LAMA5: variants seen among roughly 807,000 people sequenced by gnomAD.
LAMA5 encodes the protein laminin subunit alpha 5.
Under a neutral mutation model 433.4 loss-of-function variants are expected in LAMA5, and 260 were observed. The ratio of observed to expected loss-of-function variants is 0.60; its 90% confidence interval spans 0.54 to 0.66. LAMA5 has a LOEUF of 0.66. LAMA5 is among the 30% of genes least tolerant of loss of function. The pLI is 0.00. For missense variants in LAMA5, 5,378 were observed against 5,258.5 expected (o/e 1.02, Z -0.70); for synonymous variants, 2,620 against 2,226.6 (o/e 1.18, Z -4.97).
At position 62,332,363 on chromosome 20, in the gene LAMA5, G is replaced by T; in HGVS notation, c.3552+9C>A. Reference sequence around the variant, plus strand: ...GACCCCTTGGGGTGGGGACCTGAGGGGTCCTTACCAGGAAGAAGCGTGCCT... The same window carrying T: ...GACCCCTTGGGGTGGGGACCTGAGGTGTCCTTACCAGGAAGAAGCGTGCCT... On this transcript the variant is annotated intron_variant, in intron 28 of 79. Transcript: ENST00000252999. The T allele has an allele frequency of 1.3e-6, 2 of 1,588,470 alleles. No individual in the cohort carries two copies. The highest frequency in any genetic ancestry group is 1.7e-6 in the Non-Finnish European group (2 of 1,157,812).
chr20:62,325,847 T>G (rs1422792406), intron 40 of LAMA5, among the ~76,000 whole-genome samples: 2 of 152,198 alleles, frequency 1.3e-5, no homozygotes, highest in Non-Finnish European at 2.9e-5. Context: ...ACAAATACTT[T>G]CTTAAACAAG....
intron 11 of LAMA5, among the ~76,000 whole-genome samples, chr20:62,339,451 C>G (rs559202114): frequency 6.6e-6 from 1 of 151,906 alleles, no homozygotes; most frequent in Non-Finnish European, 1.5e-5. Flanking sequence ...TTAGCCAGGA[C>G]GGTCTCCATC....
Position 62,324,016 on chromosome 20 carries a change from C to T in LAMA5, c.5768+64G>A. The T allele has an allele frequency of 2.8e-6, 4 of 1,450,158 alleles. No homozygotes were observed. Among genetic ancestry groups the T allele is most frequent in the Non-Finnish European group, 3.6e-6 (4 of 1,099,184 alleles). 89.8% of individuals were successfully genotyped at this position (1,450,158 alleles called of 1,614,324 possible). On this transcript the variant is annotated intron_variant, in intron 43 of 79. Coordinates refer to ENST00000252999, the MANE Select transcript of LAMA5 (RefSeq NM_005560.6). The surrounding 1 kb of genome is among the most constrained non-coding windows in gnomAD (Gnocchi z 4.4). ...TCTGCAGAGGGCAGTGGGAACCCAC[C>T]CCGCTGCTGGGTGAAGGGAGCCTGG...
intron 9 of LAMA5, 96 bp from the exon 10 acceptor site, chr20:62,346,311 TGG>T (rs1983356411): frequency 6.7e-7 from 1 of 1,490,070 alleles, no homozygotes; most frequent in Non-Finnish European, 9.1e-7. Context: ...GCCAGGGCCA[TGG>T]GGATGAGGGC....
Position 62,337,731 on chromosome 20 carries a change from C to T in LAMA5, c.2027-4G>A, listed in dbSNP as rs1329944226. ...CCTTCAGCAGAGCAGTGGCAGGCTG[C>T]AGACAAGGATAGCTGTGGGCACGCA... On this transcript the variant is annotated splice_region_variant and splice_polypyrimidine_tract_variant and intron_variant, in intron 15 of 79. Transcript: ENST00000252999. 8 of 1,608,192 alleles carry T rather than the reference C, an allele frequency of 5.0e-6. No individual in the cohort carries two copies. Among genetic ancestry groups the T allele is most frequent in the African/African-American group, 1.3e-5 (1 of 75,028 alleles).
Position 62,312,042 on chromosome 20 carries a change from T to C in LAMA5, c.9513A>G (p.Leu3171=), listed in dbSNP as rs189449173. ...LLYYRASPDG[L]CQVSLQQGRV... ...GGCCCTGCTGCAGGGACACCTGGCA[T>C]AGCCCATCCTGGGGACGGCAGCCAG... is the stretch of plus-strand genomic sequence containing the variant. Residue 3171 remains leucine, a synonymous_variant, in exon 70 of 80, where the codon CTA becomes CTG. Transcript: ENST00000252999. The C allele has an allele frequency of 2.9e-5, 47 of 1,611,946 alleles. No homozygotes were observed. The highest frequency in any genetic ancestry group is 6.7e-5 in the Admixed American group (4 of 59,980).
chr20:62,318,756 C>T, intron 52 of LAMA5, 87 bp downstream of exon 52: 1 of 1,573,266 alleles, frequency 6.4e-7, no homozygotes, highest in Non-Finnish European at 8.6e-7. Context: ...TGATGCCCAC[C>T]TGATGCCACT....
Position 62,309,635 on chromosome 20 carries a change from GGGGT to G in LAMA5, c.10948+77_10948+80del, listed in dbSNP as rs1568885012. 50 of 605,770 alleles carry G rather than the reference GGGGT, an allele frequency of 8.3e-5. 2 individuals are homozygous for G. The highest frequency in any genetic ancestry group is 7.6e-4 in the Admixed American group (15 of 19,862). 37.5% of individuals were successfully genotyped at this position (605,770 alleles called of 1,614,324 possible). A position where few individuals can be genotyped will look rare whatever the true frequency, so the allele number is the denominator to read the frequency against. On this transcript the variant is annotated intron_variant, in intron 79 of 79. Coordinates refer to ENST00000252999, the MANE Select transcript of LAMA5 (RefSeq NM_005560.6). ...AGGGTGGGAGGGGGCAGGGGGTGGA[GGGGT>G]GGGGGGAGGGTGGTAGGTTACGCAG...
Position 62,326,845 on chromosome 20 carries a change from C to T in LAMA5, c.5214+20G>A. ...CCACGCCCACCCAACCACCCTGCCACATCATCTCAGCTCCCTCACCTGCAG... is the reference window on the plus strand; with the variant it reads ...CCACGCCCACCCAACCACCCTGCCATATCATCTCAGCTCCCTCACCTGCAG... On this transcript the variant is annotated intron_variant, in intron 39 of 79. Coordinates refer to ENST00000252999, the MANE Select transcript of LAMA5 (RefSeq NM_005560.6). 6.2e-7 allele frequency: 1 copy of T among 1,606,558 alleles called. No homozygotes were observed. The highest frequency in any genetic ancestry group is 8.5e-7 in the Non-Finnish European group (1 of 1,174,458).
chr20:62,317,683 G>C lies in LAMA5; in HGVS notation c.7335C>G (p.His2445Gln). 6.3e-7 allele frequency: 1 copy of C among 1,596,218 alleles called. No homozygotes were observed. The highest frequency in any genetic ancestry group is 8.5e-7 in the Non-Finnish European group (1 of 1,172,188). ...TCACCTCCTTAGCCTGGTCCAGGCT[G>C]TGCAGCAATCTGAAGACGCTGGCCA... is the stretch of plus-strand genomic sequence containing the variant. ...DTLASVFRLL[H>Q]SLDQAKEELE... The change falls in exon 54 of 80, where the codon CAC becomes CAG. Residue 2445 changes from histidine to glutamine, a missense_variant. Physicochemically the swap from His to Gln is conservative, Grantham distance 24 (BLOSUM62 0). Transcript: ENST00000252999.
At chr20:62,320,283 A>C (rs1261581388) in intron 50 of LAMA5, among the ~76,000 whole-genome samples, 4 of 132,808 alleles carry the variant, frequency 3.0e-5, no homozygotes, top group Admixed American at 1.9e-4. Context: ...GAGCCATTGC[A>C]CTCCAGCCTG....
Position 62,329,117 on chromosome 20 carries a change from A to G in LAMA5, c.4235+21T>C, listed in dbSNP as rs910337702. ...CCCAGACCCCCACCCCGGACCCCTG[A>G]CCTGCCAGAGCCCTGCCCACCTGAT... On this transcript the variant is annotated intron_variant, in intron 33 of 79. Transcript: ENST00000252999. 2.5e-6 allele frequency: 4 copies of G among 1,612,024 alleles called. No individual in the cohort carries two copies. In the African/African-American group the frequency reaches 5.3e-5, roughly 22 times the overall value.
rs766241394 is a variant in LAMA5 at position 62,337,746 on chromosome 20, G to T, written c.2027-19C>A. The stretch of plus-strand genomic sequence containing the variant: ...TGGCAGGCTGCAGACAAGGATAGCT[G>T]TGGGCACGCAGTGGAGACTGCACCT... On this transcript the variant is annotated intron_variant, in intron 15 of 79. Transcript: ENST00000252999. The T allele has an allele frequency of 1.2e-6, 2 of 1,607,800 alleles. No individual in the cohort carries two copies. Among genetic ancestry groups the T allele is most frequent in the Admixed American group, 1.7e-5 (1 of 59,804 alleles).
intron 51 of LAMA5, 152 bp from the exon 52 acceptor site, chr20:62,319,165 C>T (rs957336965): frequency 2.0e-4 from 147 of 722,262 alleles, no homozygotes; most frequent in South Asian, 1.5e-4. Flanking sequence ...GAGCACCTGG[C>T]GAAAGGCCAC....
chr20:62,315,403 C>G (rs557740359), intron 58 of LAMA5, among the ~76,000 whole-genome samples, 196 bp from the exon 59 acceptor site: 1 of 152,268 alleles, frequency 6.6e-6, no homozygotes, highest in South Asian at 2.1e-4. Flanking sequence ...CATGCCAGGA[C>G]AGGCACCCAG....
intron 37 of LAMA5, 46 bp downstream of exon 37, chr20:62,327,483 C>A: frequency 6.2e-7 from 1 of 1,610,634 alleles, no homozygotes; most frequent in Non-Finnish European, 8.5e-7. Flanking sequence ...CCAGTCCCAC[C>A]TAAGACCTCC....
chr20:62,314,509 A>G, intron 61 of LAMA5, 46 bp downstream of exon 61: 1 of 1,607,952 alleles, frequency 6.2e-7, no homozygotes, highest in Non-Finnish European at 8.5e-7. Context: ...GCTCATTTCC[A>G]AACAGAGCCT....
At chr20:62,349,968 G>A (rs139468261) in intron 6 of LAMA5, among the ~76,000 whole-genome samples, 10 of 151,536 alleles carry the variant, frequency 6.6e-5, no homozygotes, top group East Asian at 2.0e-4. Context: ...GTGGGGTGGC[G>A]GGTAAAGGGT....
At position 62,313,121 on chromosome 20, in the gene LAMA5, G is replaced by A. The variant is rs993142691; in HGVS notation, c.8922C>T (p.Ser2974=). The A allele has an allele frequency of 5.0e-6, 8 of 1,608,608 alleles. No individual in the cohort carries two copies. Among genetic ancestry groups the A allele is most frequent in the Non-Finnish European group, 6.8e-6 (8 of 1,179,666 alleles). Residue 2974 remains serine (S), a synonymous_variant, in exon 65 of 80, where the codon TCC becomes TCT. Transcript: ENST00000252999. The part of the protein sequence containing the change: ...KRFEQELRLV[S]YSGVLFFLKQ... ...TCAGGAAGAAGAGCACCCCGCTGTAGGACACGAGCCGCAGCTCCTGCTCGA... is the reference window on the plus strand; with the variant it reads ...TCAGGAAGAAGAGCACCCCGCTGTAAGACACGAGCCGCAGCTCCTGCTCGA...
Sources: allele counts gnomAD v4.1 joint callset (sites outside exome capture counted in the v4.1 genomes callset), GRCh38; gene constraint gnomAD v4.1.1; non-coding constraint Gnocchi (gnomAD v3.1); transcripts MANE v1.5; gene names NCBI Gene and HGNC (gene_info 2026-07-23, HGNC 2026-07-21).